Variants in RASAL2 observed in about 807,000 individuals in gnomAD.
RASAL2 encodes ras GTPase-activating protein nGAP.
A neutral mutation model predicts 128.9 loss-of-function variants in RASAL2; 58 were observed. The observed-to-expected ratio is 0.45, with a 90% CI of 0.36 to 0.56. RASAL2 has a LOEUF of 0.56. RASAL2 is among the 20% of genes least tolerant of loss of function. The pLI, the probability that RASAL2 is intolerant of heterozygous loss-of-function variation, is 0.00. For missense variants in RASAL2, 1,360 were observed against 1,601.6 expected (o/e 0.85, Z 2.57); for synonymous variants, 561 against 580.8 (o/e 0.97, Z 0.49).
chr1:178,384,691 C>CA (rs796296746), intron 3 of RASAL2, among the ~76,000 whole-genome samples: 48 of 140,640 alleles, frequency 3.4e-4, no homozygotes, highest in Admixed American at 7.8e-4. Context: ...CACACACACA[C>CA]AAAAAAAAAA....
At chr1:178,236,252 T>C (rs1664231228) in intron 1 of RASAL2, among the ~76,000 whole-genome samples, 1 of 152,182 alleles carries the variant, frequency 6.6e-6, no homozygotes, top group African/African-American at 2.4e-5. Context: ...TCTTGAGGGC[T>C]AAGCTACCCC....
At chr1:178,101,340 G>T (rs1658889943) in intron 1 of RASAL2, among the ~76,000 whole-genome samples, 1 of 152,172 alleles carries the variant, frequency 6.6e-6, no homozygotes, top group Non-Finnish European at 1.5e-5. Context: ...CCAGGTGTTA[G>T]TAACATCAAT....
intron 1 of RASAL2, among the ~76,000 whole-genome samples, chr1:178,129,285 C>G (rs970089010): frequency 6.6e-6 from 1 of 152,012 alleles, no homozygotes; most frequent in Non-Finnish European, 1.5e-5. Context: ...TAGTAGCCAT[C>G]CTAATGTACG....
chr1:178,288,799 C>T lies in RASAL2; in HGVS notation c.330+5108C>T, dbSNP rs540909416. On this transcript the variant is annotated intron_variant, in intron 2 of 17. Coordinates refer to ENST00000367649, the MANE Select transcript of RASAL2 (RefSeq NM_170692.4). ...CTGAGTAGCTGGAATTACAGGCATG[C>T]GCCACCATGCCCAGCTAATTTTTGT... Among the ~76,000 whole-genome samples, 11 of 151,650 alleles carry T rather than the reference C, an allele frequency of 7.3e-5. No individual in the cohort carries two copies. In the South Asian group the frequency reaches 1.0e-3, roughly 14 times the overall value.
chr1:178,275,710 T>C (rs759829678), intron 1 of RASAL2, among the ~76,000 whole-genome samples: 34 of 152,204 alleles, frequency 2.2e-4, no homozygotes, highest in Admixed American at 4.6e-4. Context: ...CAGCTGAGAC[T>C]GAGAGGGAAG....
chr1:178,384,258 A>G (rs1005690296), intron 3 of RASAL2, among the ~76,000 whole-genome samples: 9 of 152,290 alleles, frequency 5.9e-5, no homozygotes, highest in African/African-American at 2.2e-4. Flanking sequence ...TTTCTGTTCT[A>G]TTGTAACTTG....
chr1:178,444,951 A>G (rs773518271), intron 8 of RASAL2, among the ~76,000 whole-genome samples: 2 of 152,142 alleles, frequency 1.3e-5, no homozygotes, highest in Non-Finnish European at 1.5e-5. Flanking sequence ...ACAGAGGATA[A>G]AAAGAGAGAT....
chr1:178,166,355 C>T (rs1433979347), intron 1 of RASAL2, among the ~76,000 whole-genome samples: 1 of 152,166 alleles, frequency 6.6e-6, no homozygotes, highest in Admixed American at 6.6e-5. Flanking sequence ...CCTCATGGAA[C>T]TAATATCTCT....
chr1:178,267,476 CTT>C (rs75591274), intron 1 of RASAL2, among the ~76,000 whole-genome samples: 15 of 137,750 alleles, frequency 1.1e-4, no homozygotes, highest in Admixed American at 1.4e-4. Flanking sequence ...TTTTTCCTTC[CTT>C]TTTTTTTTTT....
At chr1:178,271,085 A>G (rs977069025) in intron 1 of RASAL2, among the ~76,000 whole-genome samples, 3 of 152,160 alleles carry the variant, frequency 2.0e-5, no homozygotes, top group Non-Finnish European at 2.9e-5. Flanking sequence ...ACATTTATCT[A>G]TATAATGGGC....
chr1:178,144,328 A>G (rs1425574742), intron 1 of RASAL2, among the ~76,000 whole-genome samples: 1 of 152,230 alleles, frequency 6.6e-6, no homozygotes, highest in African/African-American at 2.4e-5. Flanking sequence ...CTAACAAAAC[A>G]TTCTGTGGAA....
intron 1 of RASAL2, among the ~76,000 whole-genome samples, chr1:178,127,265 G>A (rs1294810689): frequency 1.3e-5 from 2 of 152,072 alleles, no homozygotes; most frequent in African/African-American, 4.8e-5. Context: ...TAAGTTCAGT[G>A]TTTTCTCTTG....
chr1:178,210,805 T>C (rs1663227764), intron 1 of RASAL2, among the ~76,000 whole-genome samples: 1 of 152,242 alleles, frequency 6.6e-6, no homozygotes. Flanking sequence ...AATGCATTTC[T>C]CTTAATAAAA....
chr1:178,456,758 T>C lies in RASAL2; in HGVS notation c.2249T>C (p.Leu750Pro), dbSNP rs1238676922. Residue 750 changes from leucine (L) to proline (P), a missense_variant, in exon 13 of 18, where the codon CTT (leucine) becomes CCT (proline). Leu to Pro is a moderately conservative substitution (Grantham distance 98). This residue lies in a region of RASAL2 where 741 missense variants were observed against 868.6 expected (regional missense o/e 0.85). Coordinates refer to ENST00000367649, the MANE Select transcript of RASAL2 (RefSeq NM_170692.4). The part of the protein sequence containing the change: ...VAKLGPLPRV[L>P]ADITKSLTNP... ...AAATTGGGGCCTCTCCCTCGTGTTC[T>C]TGCTGATATTACCAAGTCATTGACT... is the stretch of plus-strand genomic sequence containing the variant. The C allele has an allele frequency of 6.2e-7, 1 of 1,614,068 alleles. No homozygotes were observed. The highest frequency in any genetic ancestry group is 1.7e-5 in the Admixed American group (1 of 60,010).
chr1:178,127,544 A>C (rs1015137728), intron 1 of RASAL2, among the ~76,000 whole-genome samples: 27 of 152,160 alleles, frequency 1.8e-4, no homozygotes, highest in African/African-American at 5.8e-4. Context: ...TTATCTGGAA[A>C]GAGCCTGTCT....
At chr1:178,186,733 C>T (rs1355619640) in intron 1 of RASAL2, among the ~76,000 whole-genome samples, 2 of 151,944 alleles carry the variant, frequency 1.3e-5, no homozygotes, top group East Asian at 3.9e-4. Flanking sequence ...TTGGTTTTAT[C>T]CTGCATGGGA....
At chr1:178,254,175 T>A (rs1665201175) in intron 1 of RASAL2, among the ~76,000 whole-genome samples, 1 of 152,198 alleles carries the variant, frequency 6.6e-6, no homozygotes, top group Admixed American at 6.5e-5. Context: ...CTGTGTGAGA[T>A]CTTTTGCTGC....
chr1:178,337,545 A>G (rs7538007), intron 3 of RASAL2, among the ~76,000 whole-genome samples: 1 of 152,150 alleles, frequency 6.6e-6, no homozygotes, highest in South Asian at 2.1e-4. Flanking sequence ...GAAGCTGAGT[A>G]TATGATCATC....
chr1:178,449,418 C>T (rs971309635), intron 9 of RASAL2, among the ~76,000 whole-genome samples: 3 of 152,128 alleles, frequency 2.0e-5, no homozygotes, highest in African/African-American at 7.2e-5. Context: ...GTAATATGTC[C>T]ATCCTTGTTG....
Sources: allele counts gnomAD v4.1 joint callset (sites outside exome capture counted in the v4.1 genomes callset), GRCh38; gene constraint gnomAD v4.1.1; regional missense constraint gnomAD v4.1.1; transcripts MANE v1.5; gene names NCBI Gene and HGNC (gene_info 2026-07-23, HGNC 2026-07-21).